SPIN3: variants seen among roughly 807,000 people sequenced by gnomAD.
SPIN3 encodes the protein spindlin-3.
For missense variants in SPIN3, 176 were observed against 196.4 expected (o/e 0.90, Z 0.62); for synonymous variants, 74 against 74.3 (o/e 1.00, Z 0.02).
Position 56,993,800 on chromosome X carries a change from T to A in SPIN3, c.*371A>T, listed in dbSNP as rs1023110711. On this transcript the variant is annotated 3_prime_UTR_variant, in exon 2 of 2. Coordinates refer to ENST00000374919, the MANE Select transcript of SPIN3 (RefSeq NM_001010862.3). ...AAAGACACTTACCCAGCCAGTCACA[T>A]GGGATATCTCAGCAAGCTTCACACC... 2 of 125,405 alleles carry A rather than the reference T, an allele frequency of 1.6e-5. No individual in the cohort carries two copies. Among genetic ancestry groups the A allele is most frequent in the African/African-American group, 6.4e-5 (2 of 31,155 alleles). The allele number at this position is 125,405 out of a possible 1,213,427, so 10.3% of individuals were successfully genotyped here.
downstream of SPIN3, chrX:56,975,359 A>G (rs773029893): frequency 9.0e-6 from 1 of 111,644 alleles, no homozygotes; most frequent in South Asian, 3.8e-4. Flanking sequence ...AAATTTTCTG[A>G]TTGGCAACTG....
rs1924387753 is a variant in SPIN3 at position 56,993,125 on chromosome X, C to T, written c.*1046G>A. The T allele has an allele frequency of 1.8e-5, 2 of 111,996 alleles. No individual in the cohort carries two copies. Among genetic ancestry groups the T allele is most frequent in the Non-Finnish European group, 3.8e-5 (2 of 53,268 alleles). The allele number at this position is 111,996 out of a possible 1,213,427, so 9.2% of individuals were successfully genotyped here. On this transcript the variant is annotated 3_prime_UTR_variant, in exon 2 of 2. Coordinates refer to ENST00000374919, the MANE Select transcript of SPIN3 (RefSeq NM_001010862.3). ...TGGTTCTCACAAGTGCCTTGCCCAC[C>T]TCACATGCTGGGACTCTGAATTCAG...
chrX:56,988,791 A>G (rs1924272827), downstream of SPIN3, among the ~76,000 whole-genome samples: 1 of 111,450 alleles, frequency 9.0e-6, no homozygotes, highest in African/African-American at 3.3e-5. Flanking sequence ...CAAGTTCTCA[A>G]GGTGATTCTG....
Position 56,994,197 on chromosome X carries a change from C to T in SPIN3, c.751G>A (p.Val251Ile). The change falls in exon 2 of 2, where the codon GTC becomes ATC. Residue 251 changes from valine to isoleucine, a missense_variant. By Grantham distance (29) the Val-to-Ile change is conservative. Coordinates refer to ENST00000374919, the MANE Select transcript of SPIN3 (RefSeq NM_001010862.3). ...TAAGATGTTTTTACCAAATCGTAGA[C>T]ATAGATATGGAAATCATCATCAAAT... ...IKFDDDFHIYVYDLVKTS is the reference protein window; with the variant it reads ...IKFDDDFHIYIYDLVKTS The T allele has an allele frequency of 8.3e-7, 1 of 1,206,186 alleles. No individual in the cohort carries two copies. Among genetic ancestry groups the T allele is most frequent in the South Asian group, 1.8e-5 (1 of 55,560 alleles).
chrX:56,980,242 A>AAAAC (rs766351947), intron 3 of SPIN3: 4 of 111,808 alleles, frequency 3.6e-5, no homozygotes, highest in Admixed American at 1.9e-4. Flanking sequence ...ACAAGAATTA[A>AAAAC]AAACAAACAA....
In SPIN3 at chrX:56,993,326, A is replaced by G. The variant is rs1249425318; in HGVS notation, c.*845T>C. 8.9e-6 allele frequency: 1 copy of G among 111,963 alleles called. No individual in the cohort carries two copies. Among genetic ancestry groups the G allele is most frequent in the Non-Finnish European group, 1.9e-5 (1 of 53,209 alleles). 9.2% of individuals were successfully genotyped at this position (111,963 alleles called of 1,213,427 possible). Reference sequence around the variant, plus strand: ...AGGGCTCTAGCTAGAGCCTGGCTTAATGCTCCTCTGGGCTGGCAAAGACCA... The same window carrying G: ...AGGGCTCTAGCTAGAGCCTGGCTTAGTGCTCCTCTGGGCTGGCAAAGACCA... On this transcript the variant is annotated 3_prime_UTR_variant, in exon 2 of 2. Coordinates refer to ENST00000374919, the MANE Select transcript of SPIN3 (RefSeq NM_001010862.3).
intron 3 of SPIN3, among the ~76,000 whole-genome samples, chrX:56,983,943 G>T (rs1358349245): frequency 1.8e-5 from 2 of 112,145 alleles, no homozygotes; most frequent in African/African-American, 3.2e-5. Flanking sequence ...GTCTCTCCTT[G>T]CATTGGCCTT....
chrX:56,992,457 T>C lies in SPIN3; in HGVS notation c.*1714A>G, dbSNP rs953051747. ...TCAGTCAAACATCATAGTAGAGACT[T>C]AGTGGCATCAAAAAGCAAAAGTAGA... On this transcript the variant is annotated 3_prime_UTR_variant, in exon 2 of 2. Transcript: ENST00000374919. 3.7e-5 allele frequency: 11 copies of C among 295,517 alleles called. No individual in the cohort carries two copies. The highest frequency in any genetic ancestry group is 2.5e-4 in the African/African-American group (9 of 36,323). The allele number at this position is 295,517 out of a possible 1,213,427, so 24.4% of individuals were successfully genotyped here.
Position 56,994,815 on chromosome X carries a change from G to A in SPIN3, c.133C>T (p.Pro45Ser), listed in dbSNP as rs1263998444. Residue 45 changes from proline (P) to serine (S), a missense_variant, in exon 2 of 2, where the codon CCT becomes TCT. By Grantham distance (74) the Pro-to-Ser change is moderately conservative. Coordinates refer to ENST00000374919, the MANE Select transcript of SPIN3 (RefSeq NM_001010862.3). The part of the protein sequence containing the change: ...KKHRSRPTSQ[P>S]RGNIVGCRIQ... ...CTGCAGCCCACGATGTTCCCCCGAG[G>A]CTGGGAGGTGGGTCGGCTCCTATGC... The A allele has an allele frequency of 8.3e-7, 1 of 1,209,769 alleles. No homozygotes were observed. Among genetic ancestry groups the A allele is most frequent in the Non-Finnish European group, 1.1e-6 (1 of 895,227 alleles).
intron 3 of SPIN3, chrX:56,978,711 C>T (rs1924055007): frequency 9.0e-6 from 1 of 111,380 alleles, no homozygotes; most frequent in Non-Finnish European, 1.9e-5. Context: ...CAGGAACATG[C>T]TACCGTCACA....
chrX:56,989,836 C>A (rs1386781540), downstream of SPIN3, among the ~76,000 whole-genome samples: 2 of 111,561 alleles, frequency 1.8e-5, no homozygotes, highest in African/African-American at 6.5e-5. Context: ...AAAACAAGCT[C>A]AGGGCTCCTA....
In SPIN3 at chrX:56,992,776, C is replaced by A. The variant is rs1222100830; in HGVS notation, c.*1395G>T. ...AAACCATGCTTGTACTTCAACTTTT[C>A]TTTCCTAGGCTTTGGTTAACCTCCG... On this transcript the variant is annotated 3_prime_UTR_variant, in exon 2 of 2. Coordinates refer to ENST00000374919, the MANE Select transcript of SPIN3 (RefSeq NM_001010862.3). 3.7e-6 allele frequency: 1 copy of A among 268,609 alleles called. No individual in the cohort carries two copies. Among genetic ancestry groups the A allele is most frequent in the African/African-American group, 2.8e-5 (1 of 35,664 alleles). 22.1% of individuals were successfully genotyped at this position (268,609 alleles called of 1,213,427 possible).
At chrX:56,982,236 T>C (rs1924136354) in intron 3 of SPIN3, 1 of 111,022 alleles carries the variant, frequency 9.0e-6, no homozygotes, top group Admixed American at 9.6e-5. Context: ...AGGTCAGGCT[T>C]GAGCTATAAC....
intron 2 of SPIN3, among the ~76,000 whole-genome samples, chrX:56,985,388 G>T (rs185556853): frequency 2.9e-3 from 325 of 112,265 alleles, no homozygotes; most frequent in African/African-American, 9.8e-3. Flanking sequence ...AAGCAACTTT[G>T]TCCAATGCAA....
Position 56,993,412 on chromosome X carries a change from T to C in SPIN3, c.*759A>G, listed in dbSNP as rs1230858498. On this transcript the variant is annotated 3_prime_UTR_variant, in exon 2 of 2. Coordinates refer to ENST00000374919, the MANE Select transcript of SPIN3 (RefSeq NM_001010862.3). ...TTAAAACCTACTCCATGTCTGCAGA[T>C]ACCAGCCAGAGCTATTGGAGACAAG... The C allele has an allele frequency of 9.0e-5, 10 of 110,659 alleles. No individual in the cohort carries two copies. Among genetic ancestry groups the C allele is most frequent in the Non-Finnish European group, 1.7e-4 (9 of 52,894 alleles). 9.1% of individuals were successfully genotyped at this position (110,659 alleles called of 1,213,427 possible). A position where few individuals can be genotyped will look rare whatever the true frequency, so the allele number is the denominator to read the frequency against.
downstream of SPIN3, among the ~76,000 whole-genome samples, chrX:56,988,548 G>A (rs1924267055): frequency 9.0e-6 from 1 of 111,351 alleles, no homozygotes; most frequent in Non-Finnish European, 1.9e-5. Flanking sequence ...TCTAAGATGG[G>A]ACTCAGCAAT....
intron 1 of SPIN3, 32 bp downstream of exon 1, chrX:56,995,184 C>T (rs1924464276): frequency 8.4e-6 from 3 of 357,904 alleles, no homozygotes; most frequent in Non-Finnish European, 1.4e-5. Context: ...CGAAGCGTTT[C>T]CCCATTCCCC....
chrX:56,983,493 GATAGC>G (rs1924160919), intron 3 of SPIN3, among the ~76,000 whole-genome samples: 1 of 112,444 alleles, frequency 8.9e-6, no homozygotes, highest in African/African-American at 3.2e-5. Context: ...CAGGGTAACT[GATAGC>G]ATTCCAAATG....
chrX:56,977,559 CCTCT>C (rs888238169), intron 5 of SPIN3: 1 of 111,762 alleles, frequency 8.9e-6, no homozygotes, highest in Non-Finnish European at 1.9e-5. Flanking sequence ...CCTCTCTGGT[CCTCT>C]CTGTGTCTCT....
Sources: gnomAD v4.1 joint callset for allele counts (sites outside exome capture counted in the v4.1 genomes callset) on GRCh38, gnomAD v4.1.1 for gene constraint, MANE v1.5 for transcripts, NCBI Gene and HGNC (gene_info 2026-07-23, HGNC 2026-07-21) for gene names.